The following CEP85 variants were observed in gnomAD, a reference collection of about 807,000 sequenced individuals.
CEP85 encodes the protein centrosomal protein of 85 kDa.
A neutral mutation model predicts 93.7 loss-of-function variants in CEP85; 58 were observed. That is an observed-to-expected ratio of 0.62 (90% confidence interval 0.50 to 0.77). The LOEUF is 0.77. Among genes scored for constraint, CEP85 ranks in the 30% least tolerant of loss-of-function variants. The pLI is 0.00. For synonymous variants in CEP85, 314 were observed against 338.6 expected, an observed-to-expected ratio of 0.93 and a Z score of 0.80; for missense variants, 868 against 922.0, an observed-to-expected ratio of 0.94 and a Z score of 0.76.
At chr1:26,272,794 A>G (rs2089998148) in intron 11 of CEP85, among the ~76,000 whole-genome samples, 1 of 151,624 alleles carries the variant, frequency 6.6e-6, no homozygotes, top group Non-Finnish European at 1.5e-5. Flanking sequence ...ACGCCCGGCT[A>G]ATTTTTGTAT....
Position 26,268,623 on chromosome 1 carries a change from G to A in CEP85, c.1482G>A (p.Lys494=). 1 of 1,609,022 alleles carries A rather than the reference G, an allele frequency of 6.2e-7. No individual in the cohort carries two copies. The change falls in exon 8 of 14, where the codon AAG becomes AAA. Residue 494 remains lysine, a synonymous_variant. Coordinates refer to ENST00000451429, the MANE Select transcript of CEP85 (RefSeq NM_001319944.2). ...ADLPTLEDHQ[K]QSQQLKDSEL... is the part of the protein sequence containing the mutation. ...TGCCCACACTGGAAGACCATCAGAA[G>A]CAGAGCCAGCAGGTAGCAGCAATGT... is the stretch of plus-strand genomic sequence containing the variant.
At chr1:26,257,259 T>G (rs895247395) in intron 4 of CEP85, among the ~76,000 whole-genome samples, 2 of 152,164 alleles carry the variant, frequency 1.3e-5, no homozygotes, top group African/African-American at 2.4e-5. Flanking sequence ...ATCCTTGTGC[T>G]GCTGAAGAGT....
In CEP85 at chr1:26,278,290, TG is replaced by T. The variant is rs2124621278; in HGVS notation, c.*1000del. 6.5e-6 allele frequency: 1 copy of T among 152,828 alleles called. No homozygotes were observed. The highest frequency in any genetic ancestry group is 2.4e-5 in the African/African-American group (1 of 41,574). 9.5% of individuals were successfully genotyped at this position (152,828 alleles called of 1,614,324 possible). Reference sequence around the variant, plus strand: ...TTAAAGTACAGCTTTTAGTGTTTCCTGGGTTGTTTCTCTGGGGCTTTAGTGA... The same window carrying T: ...TTAAAGTACAGCTTTTAGTGTTTCCTGGTTGTTTCTCTGGGGCTTTAGTGA... On this transcript the variant is annotated 3_prime_UTR_variant, in exon 14 of 14. Transcript: ENST00000451429.
In CEP85 at chr1:26,259,632, A is replaced by G. The variant is rs2089775280; in HGVS notation, c.1171A>G (p.Asn391Asp). Residue 391 changes from asparagine (N) to aspartate (D), a missense_variant, in exon 7 of 14, where the codon AAC becomes GAC. Transcript: ENST00000451429. The part of the protein sequence containing the change: ...LLRLQELQRE[N>D]TFLRAQFAQK... ...TTTCTGGCAGGAATTGCAGCGAGAA[A>G]ACACTTTCTTACGTGCACAGTTTGC... 1.2e-6 allele frequency: 2 copies of G among 1,607,746 alleles called. No homozygotes were observed. The highest frequency in any genetic ancestry group is 1.3e-5 in the African/African-American group (1 of 74,512).
chr1:26,258,831 G>A (rs994625067), intron 6 of CEP85, among the ~76,000 whole-genome samples: 2 of 152,022 alleles, frequency 1.3e-5, no homozygotes, highest in Non-Finnish European at 2.9e-5. Context: ...TCCTGACCTC[G>A]TGATCCGCCT....
chr1:26,239,978 A>C (rs2089396758), intron 2 of CEP85, 140 bp downstream of exon 2: 1 of 663,686 alleles, frequency 1.5e-6, no homozygotes, highest in Non-Finnish European at 2.6e-6. Flanking sequence ...GCTTCATTGA[A>C]TATAAAAACA....
chr1:26,248,861 G>A (rs1043935147), intron 3 of CEP85, among the ~76,000 whole-genome samples: 8 of 148,644 alleles, frequency 5.4e-5, no homozygotes, highest in African/African-American at 2.0e-4. Context: ...CAAGTAGCTG[G>A]TACTACAGGC....
rs1175815666 is a variant in CEP85 at position 26,239,793 on chromosome 1, C to T, written c.10C>T (p.Gln4Ter). The change falls in exon 2 of 14, where the codon CAG becomes TAG. Residue 4 changes from glutamine (Q) to a stop codon, truncating the protein, a stop_gained. Coordinates refer to ENST00000451429, the MANE Select transcript of CEP85 (RefSeq NM_001319944.2). LOFTEE classifies it high-confidence loss of function. MAM[Q>*]EKYPTEGISH... ...TAAATAACTGTGATTGATGGCCATG[C>T]AGGAGAAATATCCAACTGAGGGGAT... 6.2e-6 allele frequency: 10 copies of T among 1,612,976 alleles called. No homozygotes were observed. The highest frequency in any genetic ancestry group is 8.5e-6 in the Non-Finnish European group (10 of 1,179,060).
At chr1:26,274,738 T>C (rs1570050905) in intron 11 of CEP85, among the ~76,000 whole-genome samples, 1 of 152,176 alleles carries the variant, frequency 6.6e-6, no homozygotes, top group East Asian at 1.9e-4. Flanking sequence ...GGAGCTACAG[T>C]GGCCTTGAAT....
chr1:26,278,062 C>G lies in CEP85; in HGVS notation c.*769C>G, dbSNP rs550448673. On this transcript the variant is annotated 3_prime_UTR_variant, in exon 14 of 14. Transcript: ENST00000451429. ...CCTGGACTTAAGAGTGCAAACTCTT[C>G]TCTGTGGTTCTAGCCTTGGGCAGAA... 52 of 152,756 alleles carry G rather than the reference C, an allele frequency of 3.4e-4. No homozygotes were observed. Among genetic ancestry groups the G allele is most frequent in the African/African-American group, 1.2e-3 (51 of 41,548 alleles). 9.5% of individuals were successfully genotyped at this position (152,756 alleles called of 1,614,324 possible). A position where few individuals can be genotyped will look rare whatever the true frequency, so the allele number is the denominator to read the frequency against.
chr1:26,245,677 A>G (rs1319464971), intron 3 of CEP85, among the ~76,000 whole-genome samples: 4 of 152,160 alleles, frequency 2.6e-5, no homozygotes, highest in Non-Finnish European at 4.4e-5. Flanking sequence ...TTTGTGATAG[A>G]TACTATAAAT....
chr1:26,235,564 A>ATTGTTTTTTT (rs1185542130), intron 1 of CEP85, among the ~76,000 whole-genome samples: 1 of 69,552 alleles, frequency 1.4e-5, no homozygotes, highest in African/African-American at 5.8e-5. Context: ...TTAGATTGTA[A>ATTGTTTTTTT]TTCTTTTTTT....
intron 3 of CEP85, among the ~76,000 whole-genome samples, chr1:26,244,859 T>G (rs1408904904): frequency 6.6e-6 from 1 of 152,136 alleles, no homozygotes; most frequent in Non-Finnish European, 1.5e-5. Flanking sequence ...TGGCCTCAAG[T>G]CTTTCCCTCT....
At chr1:26,275,947 T>G (rs916235386) in intron 12 of CEP85, among the ~76,000 whole-genome samples, 3 of 152,222 alleles carry the variant, frequency 2.0e-5, no homozygotes, top group African/African-American at 7.2e-5. Flanking sequence ...AAAGTCTGAC[T>G]CCACTGAGGT....
intron 3 of CEP85, among the ~76,000 whole-genome samples, chr1:26,247,667 G>T (rs1384125220): frequency 6.6e-6 from 1 of 152,090 alleles, no homozygotes; most frequent in African/African-American, 2.4e-5. Flanking sequence ...TAAAGATAGG[G>T]TCTCTTTTTG....
chr1:26,235,089 T>C (rs2089303943), intron 1 of CEP85, among the ~76,000 whole-genome samples: 1 of 152,214 alleles, frequency 6.6e-6, no homozygotes, highest in Non-Finnish European at 1.5e-5. Flanking sequence ...TGAAAGTTAG[T>C]GTGTTCAGGT....
intron 1 of CEP85, among the ~76,000 whole-genome samples, chr1:26,238,067 T>C (rs2124553708): frequency 6.6e-6 from 1 of 151,596 alleles, no homozygotes; most frequent in African/African-American, 2.4e-5. Context: ...TGTTATGTAC[T>C]TTAGTGACCT....
rs1570061545 is a variant in CEP85, at chr1:26,278,684, C to T, written c.*1391C>T. 1 of 152,742 alleles carries T rather than the reference C, an allele frequency of 6.5e-6. No individual in the cohort carries two copies. The highest frequency in any genetic ancestry group is 1.5e-5 in the Non-Finnish European group (1 of 68,030). The allele number at this position is 152,742 out of a possible 1,614,324, so 9.5% of individuals were successfully genotyped here. A position where few individuals can be genotyped will look rare whatever the true frequency, so the allele number is the denominator to read the frequency against. ...GGTCTCCACCCTGTGCATTGGGAGC[C>T]CAGCCACCATGCTGACGGGTATTTT... On this transcript the variant is annotated 3_prime_UTR_variant, in exon 14 of 14. Coordinates refer to ENST00000451429, the MANE Select transcript of CEP85 (RefSeq NM_001319944.2).
chr1:26,264,539 TAAAATA>T (rs1287993784), intron 7 of CEP85, among the ~76,000 whole-genome samples: 3 of 151,998 alleles, frequency 2.0e-5, no homozygotes, highest in Non-Finnish European at 4.4e-5. Flanking sequence ...TTCAAAAAAA[TAAAATA>T]AAAAGGAAGC....
Sources: gnomAD v4.1 joint callset for allele counts (sites outside exome capture counted in the v4.1 genomes callset) on GRCh38, gnomAD v4.1.1 for gene constraint, MANE v1.5 for transcripts, NCBI Gene and HGNC (gene_info 2026-07-23, HGNC 2026-07-21) for gene names.